ST8SIA4: variants seen among roughly 807,000 people sequenced by gnomAD.
ST8SIA4 encodes the protein ST8 alpha-N-acetyl-neuraminide alpha-2,8-sialyltransferase 4, also known as CMP-N-acetylneuraminate-poly-alpha-2,8-sialyltransferase.
In ST8SIA4, 15 loss-of-function variants were observed where a neutral mutation model predicts 33.9. The observed-to-expected ratio is 0.44, with a 90% confidence interval of 0.30 to 0.68. The LOEUF is 0.68. Among genes scored for constraint, ST8SIA4 ranks in the 30% least tolerant of loss-of-function variants. The pLI is 0.10. For missense variants in ST8SIA4, 321 were observed against 428.0 expected (o/e 0.75, Z 2.21); for synonymous variants, 171 against 151.2 (o/e 1.13, Z -0.96).
chr5:100,872,856 A>T (rs751873626), intron 3 of ST8SIA4, among the ~76,000 whole-genome samples: 2 of 148,242 alleles, frequency 1.3e-5, no homozygotes, highest in African/African-American at 5.0e-5. Flanking sequence ...TCTTGGTGCT[A>T]GGTCCTAAAG....
rs532443110 is a variant in ST8SIA4 at position 100,844,343 on chromosome 5, AC to A, written c.797+11759del. ...TTAAATATGATCTTCAGAAAACCATACTCAATCATAAATGTACTATCTTGAA... is the reference window on the plus strand; with the variant it reads ...TTAAATATGATCTTCAGAAAACCATATCAATCATAAATGTACTATCTTGAA... On this transcript the variant is annotated intron_variant, in intron 4 of 4. Transcript: ENST00000231461. Among the ~76,000 whole-genome samples, 554 of 152,026 alleles carry A rather than the reference AC, an allele frequency of 3.6e-3. 2 individuals are homozygous for A. Among genetic ancestry groups the A allele is most frequent in the African/African-American group, 0.012 (505 of 41,522 alleles).
chr5:100,857,694 G>A (rs996533831), intron 3 of ST8SIA4, among the ~76,000 whole-genome samples: 3 of 151,868 alleles, frequency 2.0e-5, no homozygotes, highest in African/African-American at 7.2e-5. Context: ...AGTAAAGTAT[G>A]TGTTCTGATA....
At chr5:100,826,129 A>AT (rs5869927) in intron 4 of ST8SIA4, among the ~76,000 whole-genome samples, 147,833 of 151,128 alleles carry the variant, frequency 0.98, 72,342 homozygotes, top group East Asian at 1. Context: ...GAGCAACTTA[A>AT]TTTTTTTTTA....
chr5:100,889,857 T>G (rs1202828846), intron 2 of ST8SIA4, among the ~76,000 whole-genome samples: 2 of 151,788 alleles, frequency 1.3e-5, no homozygotes, highest in African/African-American at 2.4e-5. Flanking sequence ...ACTGAAGCAG[T>G]GAAAATAGTA....
At position 100,807,114 on chromosome 5, in the gene ST8SIA4, G is replaced by A. The variant is rs573412504; in HGVS notation, c.*4733C>T. 1 of 152,122 alleles carries A rather than the reference G, an allele frequency of 6.6e-6. No homozygotes were observed. Among genetic ancestry groups the A allele is most frequent in the African/African-American group, 2.4e-5 (1 of 41,530 alleles). 9.4% of individuals were successfully genotyped at this position (152,122 alleles called of 1,614,324 possible). A position where few individuals can be genotyped will look rare whatever the true frequency, so the allele number is the denominator to read the frequency against. ...GGGCTAAGGGGAGTGGAAAAGCAAA[G>A]CACAAGCCAAAGCTTGTTAAAAATG... On this transcript the variant is annotated 3_prime_UTR_variant, in exon 5 of 5. Coordinates refer to ENST00000231461, the MANE Select transcript of ST8SIA4 (RefSeq NM_005668.6).
chr5:100,873,713 G>T (rs1222462484), intron 3 of ST8SIA4, among the ~76,000 whole-genome samples: 1 of 152,136 alleles, frequency 6.6e-6, no homozygotes, highest in Non-Finnish European at 1.5e-5. Flanking sequence ...AGAAAGGAAA[G>T]AATTTACCAC....
intron 4 of ST8SIA4, among the ~76,000 whole-genome samples, chr5:100,817,210 A>G (rs1008932804): frequency 1.5e-5 from 2 of 133,354 alleles, no homozygotes; most frequent in South Asian, 4.7e-4. Context: ...CTCGTGATCC[A>G]CCTGCCTCTG....
chr5:100,827,504 A>G (rs1365708654), intron 4 of ST8SIA4, among the ~76,000 whole-genome samples: 2 of 152,206 alleles, frequency 1.3e-5, no homozygotes, highest in Non-Finnish European at 1.5e-5. Context: ...TCACATTCAA[A>G]TATGACTAGA....
rs1388271240 is a variant in ST8SIA4 at position 100,809,194 on chromosome 5, A to C, written c.*2653T>G. 1 of 152,506 alleles carries C rather than the reference A, an allele frequency of 6.6e-6. No homozygotes were observed. Among genetic ancestry groups the C allele is most frequent in the African/African-American group, 2.4e-5 (1 of 41,442 alleles). 9.4% of individuals were successfully genotyped at this position (152,506 alleles called of 1,614,324 possible). A position where few individuals can be genotyped will look rare whatever the true frequency, so the allele number is the denominator to read the frequency against. On this transcript the variant is annotated 3_prime_UTR_variant, in exon 5 of 5. Coordinates refer to ENST00000231461, the MANE Select transcript of ST8SIA4 (RefSeq NM_005668.6). ...TCCGGCTGCGGTGGCTCACACCTGT[A>C]ATCCCAGCACTTTGGGAGGCTGAGG...
intron 3 of ST8SIA4, among the ~76,000 whole-genome samples, chr5:100,880,312 T>C (rs1371711071): frequency 6.6e-6 from 1 of 152,020 alleles, no homozygotes; most frequent in African/African-American, 2.4e-5. Context: ...AATAAATACA[T>C]AAATGGAAGG....
intron 1 of ST8SIA4, among the ~76,000 whole-genome samples, chr5:100,897,115 C>T (rs1214975710): frequency 1.3e-5 from 2 of 152,078 alleles, no homozygotes; most frequent in African/African-American, 2.4e-5. Flanking sequence ...GAGTCACTTC[C>T]CTGACAGTTG....
At chr5:100,856,920 T>G (rs1020066853) in intron 3 of ST8SIA4, among the ~76,000 whole-genome samples, 1 of 152,178 alleles carries the variant, frequency 6.6e-6, no homozygotes, top group Non-Finnish European at 1.5e-5. Flanking sequence ...TTCCTTATAG[T>G]GTTTTACACA....
At chr5:100,829,835 G>A (rs1224866495) in intron 4 of ST8SIA4, among the ~76,000 whole-genome samples, 1 of 151,458 alleles carries the variant, frequency 6.6e-6, no homozygotes, top group Non-Finnish European at 1.5e-5. Flanking sequence ...GTGAACCCGG[G>A]AGGCGGAGCT....
intron 1 of ST8SIA4, chr5:100,900,326 A>G (rs1468710512): frequency 2.3e-6 from 1 of 443,592 alleles, no homozygotes; most frequent in African/African-American, 2.0e-5. Flanking sequence ...TCACTTGAAT[A>G]CTGGACCGGG....
chr5:100,877,563 T>C (rs1252693391), intron 3 of ST8SIA4, among the ~76,000 whole-genome samples: 1 of 152,058 alleles, frequency 6.6e-6, no homozygotes, highest in Non-Finnish European at 1.5e-5. Context: ...ATGAAGTGAC[T>C]GGTTTATGTT....
rs147342017 is a variant in ST8SIA4 at position 100,895,893 on chromosome 5, T to C, written c.114-108A>G. On this transcript the variant is annotated intron_variant, in intron 1 of 4. Coordinates refer to ENST00000231461, the MANE Select transcript of ST8SIA4 (RefSeq NM_005668.6). ...CTGGTGATGAATTTTAGATACTTTT[T>C]CCCCTACAAGTTAGAAGGAAATACG... The C allele has an allele frequency of 3.3e-4, 402 of 1,229,386 alleles. 2 individuals carry two copies. The East Asian group carries it at 9.9e-3, about 30-fold the overall frequency. The allele number at this position is 1,229,386 out of a possible 1,614,324, so 76.2% of individuals were successfully genotyped here.
chr5:100,898,822 T>C (rs375033600), intron 1 of ST8SIA4, among the ~76,000 whole-genome samples: 7 of 152,326 alleles, frequency 4.6e-5, no homozygotes, highest in African/African-American at 1.4e-4. Flanking sequence ...AAAACATTTA[T>C]TGCATAGGAT....
At chr5:100,813,667 A>G (rs916999868) in intron 4 of ST8SIA4, among the ~76,000 whole-genome samples, 2 of 152,038 alleles carry the variant, frequency 1.3e-5, no homozygotes, top group Non-Finnish European at 2.9e-5. Flanking sequence ...TGAAGAAACT[A>G]TGATGTGGCC....
At chr5:100,891,110 A>G (rs1196963217) in intron 2 of ST8SIA4, among the ~76,000 whole-genome samples, 4 of 152,028 alleles carry the variant, frequency 2.6e-5, no homozygotes, top group Non-Finnish European at 4.4e-5. Context: ...TTTCTTGGCA[A>G]TAATAAGCAC....
Sources: allele counts gnomAD v4.1 joint callset (sites outside exome capture counted in the v4.1 genomes callset), GRCh38; gene constraint gnomAD v4.1.1; transcripts MANE v1.5; gene names NCBI Gene and HGNC (gene_info 2026-07-23, HGNC 2026-07-21).